The following RTKN2 variants were observed in gnomAD, a reference collection of about 807,000 sequenced individuals.
The protein encoded by RTKN2 is rhotekin-2.
A neutral mutation model predicts 71.5 loss-of-function variants in RTKN2; 69 were observed. The observed-to-expected ratio is 0.96, with a 90% CI of 0.79 to 1.18. The LOEUF is 1.18. Ranked by LOEUF, RTKN2 falls within the 50% of genes most tolerant of loss-of-function variation. RTKN2 has a pLI of 0.00. For synonymous variants in RTKN2, 236 were observed against 236.5 expected, an observed-to-expected ratio of 1.00 and a Z score of 0.02; for missense variants, 724 against 719.7, an observed-to-expected ratio of 1.01 and a Z score of -0.07.
At chr10:62,242,211 C>T (rs930514303) in intron 3 of RTKN2, among the ~76,000 whole-genome samples, 3 of 151,914 alleles carry the variant, frequency 2.0e-5, no homozygotes, top group African/African-American at 7.3e-5. Context: ...AGATATATTT[C>T]TTTTTTGAAA....
chr10:62,219,045 C>G (rs533352878), intron 7 of RTKN2, among the ~76,000 whole-genome samples: 6 of 152,018 alleles, frequency 3.9e-5, no homozygotes, highest in Non-Finnish European at 7.4e-5. Flanking sequence ...ATAACTTCAT[C>G]AACATTTTTG....
At chr10:62,233,851 A>C (rs909818627) in intron 6 of RTKN2, among the ~76,000 whole-genome samples, 15 of 152,166 alleles carry the variant, frequency 9.9e-5, no homozygotes, top group African/African-American at 3.4e-4. Context: ...TACCTAAAAT[A>C]TTTTGCTTTT....
chr10:62,196,413 C>G lies in RTKN2; in HGVS notation c.*1495G>C, dbSNP rs903019477. On this transcript the variant is annotated 3_prime_UTR_variant, in exon 12 of 12. Transcript: ENST00000373789. ...AGAAACCTTTTGTTATCATTACTCC[C>G]TCAAGATTCAATTCTTACTAGGAGT... 2.0e-6 allele frequency: 2 copies of G among 985,224 alleles called. No homozygotes were observed. Among genetic ancestry groups the G allele is most frequent in the African/African-American group, 3.5e-5 (2 of 57,232 alleles). 61.0% of individuals were successfully genotyped at this position (985,224 alleles called of 1,614,324 possible).
At chr10:62,191,181 G>A (rs939125493), downstream of RTKN2, among the ~76,000 whole-genome samples, 1 of 152,076 alleles carries the variant, frequency 6.6e-6, no homozygotes, top group African/African-American at 2.4e-5. Flanking sequence ...GCCCAGGCTG[G>A]AGTACAGTGA....
Position 62,193,563 on chromosome 10 carries a change from G to T in RTKN2, c.*4345C>A. 4.1e-6 allele frequency: 4 copies of T among 982,420 alleles called. No individual in the cohort carries two copies. The highest frequency in any genetic ancestry group is 4.8e-6 in the Non-Finnish European group (4 of 827,270). The allele number at this position is 982,420 out of a possible 1,614,324, so 60.9% of individuals were successfully genotyped here. ...TTTAAATATTTCTGATCACACTACA[G>T]ATTTAGAAATAAAATGCTGAAATAA... On this transcript the variant is annotated 3_prime_UTR_variant, in exon 12 of 12. Coordinates refer to ENST00000373789, the MANE Select transcript of RTKN2 (RefSeq NM_145307.4).
intron 2 of RTKN2, among the ~76,000 whole-genome samples, chr10:62,260,497 G>A (rs1842753449): frequency 6.6e-6 from 1 of 151,770 alleles, no homozygotes; most frequent in Non-Finnish European, 1.5e-5. Context: ...CAATAATTAA[G>A]GGAAACACTG....
At position 62,197,946 on chromosome 10, in the gene RTKN2, T is replaced by C. The variant is rs148375207; in HGVS notation, c.1792A>G (p.Ile598Val). Residue 598 changes from isoleucine (I) to valine (V), a missense_variant, in exon 12 of 12, where the codon ATT becomes GTT. Ile to Val is a conservative substitution (Grantham distance 29). Coordinates refer to ENST00000373789, the MANE Select transcript of RTKN2 (RefSeq NM_145307.4). ...PAPRQKSIKD[I>V]LDPRSWLQAQ... The stretch of plus-strand genomic sequence containing the variant: ...TGCAGCCATGATCTAGGGTCCAGAA[T>C]GTCTTTGATGGATTTCTGCCTTGGA... 144 of 1,613,892 alleles carry C rather than the reference T, an allele frequency of 8.9e-5. No individual in the cohort carries two copies. The highest frequency in any genetic ancestry group is 1.2e-4 in the Non-Finnish European group (140 of 1,179,916).
intron 8 of RTKN2, among the ~76,000 whole-genome samples, chr10:62,217,640 T>C (rs1841803997): frequency 6.6e-6 from 1 of 152,220 alleles, no homozygotes; most frequent in Non-Finnish European, 1.5e-5. Context: ...TATTTTCCCT[T>C]ACTGTTCTCA....
chr10:62,262,042 T>C (rs928362589), intron 2 of RTKN2, among the ~76,000 whole-genome samples: 1 of 152,194 alleles, frequency 6.6e-6, no homozygotes, highest in African/African-American at 2.4e-5. Context: ...AAGAACAGCA[T>C]GAGATGACAG....
chr10:62,227,491 C>T (rs1043280785), intron 6 of RTKN2, among the ~76,000 whole-genome samples: 25 of 152,208 alleles, frequency 1.6e-4, no homozygotes, highest in African/African-American at 6.0e-4. Context: ...ACAAGGAGGT[C>T]ACTGTGACTG....
chr10:62,265,012 G>A (rs1207101325), intron 1 of RTKN2, among the ~76,000 whole-genome samples: 1 of 151,984 alleles, frequency 6.6e-6, no homozygotes, highest in African/African-American at 2.4e-5. Flanking sequence ...CATAAATGAA[G>A]AGTATCTTCT....
chr10:62,239,080 C>G lies in RTKN2; in HGVS notation c.488+568G>C, dbSNP rs12784015. On this transcript the variant is annotated intron_variant, in intron 5 of 11. Transcript: ENST00000373789. ...ACAATAAAATGAGCCTGTAAAAGAGCAGGGACAATAAAAACAGCCCTGAGA... is the reference window on the plus strand; with the variant it reads ...ACAATAAAATGAGCCTGTAAAAGAGGAGGGACAATAAAAACAGCCCTGAGA... 6.9e-3 allele frequency: 1,046 copies of G among 152,072 alleles called. 9 individuals carry two copies. The highest frequency in any genetic ancestry group is 0.051 in the Middle Eastern group (15 of 294). The allele number at this position is 152,072 out of a possible 1,614,324, so 9.4% of individuals were successfully genotyped here.
rs535720595 is a variant in RTKN2, at chr10:62,194,641, A to G, written c.*3267T>C. 9.1e-6 allele frequency: 9 copies of G among 985,418 alleles called. No homozygotes were observed. In the East Asian group the frequency reaches 1.0e-3, roughly 112 times the overall value. 61.0% of individuals were successfully genotyped at this position (985,418 alleles called of 1,614,324 possible). On this transcript the variant is annotated 3_prime_UTR_variant, in exon 12 of 12. Coordinates refer to ENST00000373789, the MANE Select transcript of RTKN2 (RefSeq NM_145307.4). ...ACACAGGTGATTACATTCAAATGGC[A>G]TTTAACATAAATTGCACCAAACTGC...
chr10:62,229,354 T>G (rs1228245771), intron 6 of RTKN2, among the ~76,000 whole-genome samples: 1 of 151,900 alleles, frequency 6.6e-6, no homozygotes, highest in Admixed American at 6.6e-5. Context: ...AATCACGGGG[T>G]AGATGGTTGA....
rs1215614320 is a variant in RTKN2 at position 62,205,040 on chromosome 10, A to G, written c.1021-18T>C. 8 of 1,569,504 alleles carry G rather than the reference A, an allele frequency of 5.1e-6. No homozygotes were observed. Among genetic ancestry groups the G allele is most frequent in the Non-Finnish European group, 6.9e-6 (8 of 1,167,214 alleles). The stretch of plus-strand genomic sequence containing the variant: ...CTGGTTTCCTAAAAATTAAGAAAAA[A>G]ATTGGGGTTTTGCATGAGAAAATTT... On this transcript the variant is annotated intron_variant, in intron 9 of 11. Coordinates refer to ENST00000373789, the MANE Select transcript of RTKN2 (RefSeq NM_145307.4).
At chr10:62,230,655 A>C (rs2132954025) in intron 6 of RTKN2, among the ~76,000 whole-genome samples, 1 of 152,306 alleles carries the variant, frequency 6.6e-6, no homozygotes, top group Non-Finnish European at 1.5e-5. Flanking sequence ...GGCAGGGCAG[A>C]TATTTTGTTC....
intron 10 of RTKN2, among the ~76,000 whole-genome samples, chr10:62,200,287 T>C (rs946457050): frequency 5.5e-4 from 78 of 141,926 alleles, no homozygotes; most frequent in Non-Finnish European, 6.0e-5. Flanking sequence ...CACTTGAACT[T>C]GGGAGGCAGA....
At chr10:62,202,147 G>A (rs1383626239) in intron 10 of RTKN2, among the ~76,000 whole-genome samples, 1 of 151,986 alleles carries the variant, frequency 6.6e-6, no homozygotes, top group Non-Finnish European at 1.5e-5. Flanking sequence ...TCCAGAACAT[G>A]GGTCACTCCT....
intron 6 of RTKN2, among the ~76,000 whole-genome samples, chr10:62,232,837 T>A (rs141181805): frequency 0.012 from 1,853 of 152,148 alleles, 135 homozygotes; most frequent in Admixed American, 0.1. Flanking sequence ...ACCAAATCCA[T>A]GAATTATCTT....
Sources: gnomAD v4.1 joint callset for allele counts (sites outside exome capture counted in the v4.1 genomes callset) on GRCh38, gnomAD v4.1.1 for gene constraint, MANE v1.5 for transcripts, NCBI Gene and HGNC (gene_info 2026-07-23, HGNC 2026-07-21) for gene names.